Variants in PCDH15 observed in about 807,000 individuals in gnomAD.
PCDH15 encodes the protein protocadherin related 15, also known as protocadherin-15.
PCDH15 carries 129 observed loss-of-function variants against 178.5 expected under a neutral mutation model. The ratio of observed to expected loss-of-function variants is 0.72; its 90% CI spans 0.63 to 0.84. PCDH15 has a LOEUF of 0.84. PCDH15 is among the 40% of genes least tolerant of loss of function. PCDH15 has a pLI of 0.00. For missense variants in PCDH15, 2,230 were observed against 2,099.9 expected, an observed-to-expected ratio of 1.06 and a Z score of -1.21; for synonymous variants, 800 against 732.0, an observed-to-expected ratio of 1.09 and a Z score of -1.50.
intron 3 of PCDH15, among the ~76,000 whole-genome samples, chr10:54,451,037 C>T (rs1312104414): frequency 1.3e-5 from 2 of 151,776 alleles, no homozygotes; most frequent in Non-Finnish European, 2.9e-5. Context: ...TTCTTATACT[C>T]AATATCTGCA....
intron 3 of PCDH15, among the ~76,000 whole-genome samples, chr10:54,517,421 A>G (rs2082349676): frequency 6.6e-6 from 1 of 152,206 alleles, no homozygotes; most frequent in South Asian, 2.1e-4. Context: ...CTAGTCTCTG[A>G]TAAAACAGAC....
At chr10:55,419,310 G>T (rs190692227) in intron 2 of PCDH15, among the ~76,000 whole-genome samples, 2 of 151,822 alleles carry the variant, frequency 1.3e-5, no homozygotes, top group Admixed American at 1.3e-4. Context: ...GTTGTAGATT[G>T]CACGGATTTT....
At chr10:54,819,385 T>G (rs999319145) in intron 3 of PCDH15, among the ~76,000 whole-genome samples, 4 of 152,082 alleles carry the variant, frequency 2.6e-5, no homozygotes, top group African/African-American at 9.7e-5. Flanking sequence ...AAACTGAAAT[T>G]ACTTTTTCTG....
chr10:54,879,542 A>G (rs1296041841), intron 3 of PCDH15, among the ~76,000 whole-genome samples: 2 of 151,948 alleles, frequency 1.3e-5, no homozygotes, highest in Admixed American at 1.3e-4. Context: ...GACAATAATA[A>G]CACATTTATT....
At chr10:53,945,129 C>T (rs1252370897) in intron 23 of PCDH15, among the ~76,000 whole-genome samples, 4 of 152,040 alleles carry the variant, frequency 2.6e-5, no homozygotes, top group Non-Finnish European at 5.9e-5. Flanking sequence ...ACATGTAAAA[C>T]AGCTGTGTAT....
rs1270365092 is a variant in PCDH15 at position 53,804,286 on chromosome 10, T to G, written c.*2293A>C. 6.6e-6 allele frequency: 1 copy of G among 151,974 alleles called. No homozygotes were observed. Among genetic ancestry groups the G allele is most frequent in the Non-Finnish European group, 1.5e-5 (1 of 67,898 alleles). 9.4% of individuals were successfully genotyped at this position (151,974 alleles called of 1,614,324 possible). On this transcript the variant is annotated 3_prime_UTR_variant, in exon 38 of 38. Coordinates refer to ENST00000644397, the MANE Select transcript of PCDH15 (RefSeq NM_001384140.1). ...AGTGGCTTGTAAAATTTTGCATATTTTCTCATAAAAAATGTAGTTTAAAAT... is the reference window on the plus strand; with the variant it reads ...AGTGGCTTGTAAAATTTTGCATATTGTCTCATAAAAAATGTAGTTTAAAAT...
At chr10:55,598,513 A>AAT (rs61184409) in intron 2 of PCDH15, among the ~76,000 whole-genome samples, 206 of 83,014 alleles carry the variant, frequency 2.5e-3, no homozygotes, top group Non-Finnish European at 3.6e-3. Context: ...AGCAAACCCT[A>AAT]ATATATATAT....
chr10:54,893,794 C>T (rs16906655), intron 3 of PCDH15, among the ~76,000 whole-genome samples: 3,370 of 152,060 alleles, frequency 0.022, 141 homozygotes, highest in African/African-American at 0.075. Context: ...ATTATTTACA[C>T]GACAGCTCTA....
chr10:54,363,599 C>T (rs1265266087), intron 5 of PCDH15, among the ~76,000 whole-genome samples: 1 of 152,082 alleles, frequency 6.6e-6, no homozygotes, highest in African/African-American at 2.4e-5. Context: ...TATACACATG[C>T]TCTAATTTAT....
chr10:55,509,430 AT>A (rs1224287849), intron 2 of PCDH15, among the ~76,000 whole-genome samples: 2 of 151,772 alleles, frequency 1.3e-5, no homozygotes, highest in African/African-American at 4.8e-5. Flanking sequence ...ATTCTCCTGT[AT>A]CCAGATATTC....
chr10:54,305,531 G>A lies in PCDH15; in HGVS notation c.876+11740C>T, dbSNP rs186034877. Among the ~76,000 whole-genome samples, 254 of 151,976 alleles carry A rather than the reference G, an allele frequency of 1.7e-3. 1 individual carries two copies. The highest frequency in any genetic ancestry group is 6.0e-3 in the African/African-American group (247 of 41,500). ...AATATTAATTGAGCATTTTATATTT[G>A]AGCCATCATCCTAACAGTTTGTGAT... On this transcript the variant is annotated intron_variant, in intron 8 of 37. Transcript: ENST00000644397.
intron 25 of PCDH15, among the ~76,000 whole-genome samples, chr10:53,914,574 T>C (rs1416148016): frequency 3.9e-5 from 6 of 152,048 alleles, no homozygotes; most frequent in Admixed American, 2.0e-4. Flanking sequence ...TGAGAACACT[T>C]GGACACAGGG....
At chr10:54,169,311 G>C (rs367898607) in intron 13 of PCDH15, among the ~76,000 whole-genome samples, 16 of 73,212 alleles carry the variant, frequency 2.2e-4, no homozygotes, top group African/African-American at 5.0e-4. Flanking sequence ...AGGTAAGCCC[G>C]TCCCCTTCTT....
chr10:54,665,581 A>AAT (rs1275733235), intron 1 of PCDH15, among the ~76,000 whole-genome samples: 1 of 151,952 alleles, frequency 6.6e-6, no homozygotes, highest in Non-Finnish European at 1.5e-5. Flanking sequence ...AGCATGTATA[A>AAT]ATATATATAT....
At chr10:55,078,845 G>T (rs1841972871) in intron 2 of PCDH15, among the ~76,000 whole-genome samples, 1 of 151,508 alleles carries the variant, frequency 6.6e-6, no homozygotes, top group Non-Finnish European at 1.5e-5. Flanking sequence ...TCATAGCTTA[G>T]CTCCCATTTA....
In PCDH15 at chr10:55,538,942, C is replaced by T. The variant is rs1359103702; in HGVS notation, c.-156+88683G>A. Among the ~76,000 whole-genome samples, 2 of 69,132 alleles carry T rather than the reference C, an allele frequency of 2.9e-5. 1 individual carries two copies. The highest frequency in any genetic ancestry group is 1.3e-4 in the African/African-American group (2 of 15,850). 45.4% of individuals were successfully genotyped at this position (69,132 alleles called of 152,430 possible). A position where few individuals can be genotyped will look rare whatever the true frequency, so the allele number is the denominator to read the frequency against. Reference sequence around the variant, plus strand: ...TCCTTCCTTCCTCCTTTCCTTCCTTCCTCCCTTCCTTCCTTTCCTTCCTTC... The same window carrying T: ...TCCTTCCTTCCTCCTTTCCTTCCTTTCTCCCTTCCTTCCTTTCCTTCCTTC... On this transcript the variant is annotated intron_variant, in intron 2 of 5. Coordinates refer to the PCDH15 transcript ENST00000613346.
intron 16 of PCDH15, among the ~76,000 whole-genome samples, chr10:54,085,289 A>C (rs867931737): frequency 1.3e-5 from 2 of 152,130 alleles, no homozygotes; most frequent in Non-Finnish European, 2.9e-5. Context: ...GAAGAAAAAA[A>C]ATTTTAATAG....
intron 2 of PCDH15, among the ~76,000 whole-genome samples, chr10:55,531,840 G>A (rs1589115810): frequency 1.3e-5 from 2 of 152,118 alleles, no homozygotes; most frequent in African/African-American, 2.4e-5. Flanking sequence ...GCAAGTGATA[G>A]CATGTCATAA....
chr10:54,627,366 G>A (rs1358993470), intron 2 of PCDH15, among the ~76,000 whole-genome samples: 3 of 152,146 alleles, frequency 2.0e-5, no homozygotes, highest in Non-Finnish European at 4.4e-5. Context: ...GAGGGAGCTG[G>A]TGGGAGATGA....
Sources: allele counts gnomAD v4.1 joint callset (sites outside exome capture counted in the v4.1 genomes callset), GRCh38; gene constraint gnomAD v4.1.1; transcripts MANE v1.5; gene names NCBI Gene and HGNC (gene_info 2026-07-23, HGNC 2026-07-21).